Variants in MAGI2 observed in about 807,000 individuals in gnomAD.
MAGI2 encodes membrane associated guanylate kinase, WW and PDZ domain containing 2, also known as membrane-associated guanylate kinase, WW and PDZ domain-containing protein 2.
A neutral mutation model predicts 133.3 loss-of-function variants in MAGI2; 35 were observed. The observed-to-expected ratio is 0.26, with a 90% confidence interval of 0.20 to 0.35. The LOEUF (loss-of-function observed/expected upper bound fraction) is 0.35, where lower values mean the gene tolerates loss of function less well. MAGI2 is among the 10% of genes least tolerant of loss of function. MAGI2 has a pLI of 1.00. For missense variants in MAGI2, 1,636 were observed against 1,863.4 expected, an observed-to-expected ratio of 0.88 and a Z score of 2.25; for synonymous variants, 729 against 710.6, an observed-to-expected ratio of 1.03 and a Z score of -0.41.
intron 2 of MAGI2, among the ~76,000 whole-genome samples, chr7:78,935,492 T>C (rs2151666830): frequency 6.6e-6 from 1 of 152,256 alleles, no homozygotes; most frequent in South Asian, 2.1e-4. Context: ...TGGAAATATG[T>C]GGTGTTTCCA....
intron 1 of MAGI2, among the ~76,000 whole-genome samples, chr7:79,227,663 T>C (rs1460426340): frequency 6.6e-6 from 1 of 152,214 alleles, no homozygotes; most frequent in East Asian, 1.9e-4. Context: ...AGAGTAAACA[T>C]ATAGGTGTAT....
rs1482623105 is a variant in MAGI2 at position 78,019,758 on chromosome 7, G to C, written c.3925C>G (p.Arg1309Gly). The change falls in exon 22 of 22, where the codon CGC becomes GGC. Residue 1309 changes from arginine to glycine, a missense_variant. Arg to Gly is a moderately radical substitution (Grantham distance 125). This residue lies in a region of MAGI2 where 354 missense variants were observed against 298.7 expected (regional missense o/e 1.19). Coordinates refer to ENST00000354212, the MANE Select transcript of MAGI2 (RefSeq NM_012301.4). ...GAGCGCTCCCTCTGCTCCCCGAGGC[G>C]CTGCTTCTTCTGGCCGCAGGCTGAA... ...ELSACGQKKQ[R>G]LGEQRERSAS... 1 of 1,612,054 alleles carries C rather than the reference G, an allele frequency of 6.2e-7. No homozygotes were observed. The highest frequency in any genetic ancestry group is 1.7e-5 in the Admixed American group (1 of 59,954).
chr7:78,405,047 G>A (rs1797253324), intron 6 of MAGI2, among the ~76,000 whole-genome samples: 1 of 152,156 alleles, frequency 6.6e-6, no homozygotes, highest in African/African-American at 2.4e-5. Flanking sequence ...AAACAACTGG[G>A]GTTCTTTGAC....
At chr7:79,288,503 T>G (rs1563080520) in intron 1 of MAGI2, among the ~76,000 whole-genome samples, 1 of 152,196 alleles carries the variant, frequency 6.6e-6, no homozygotes, top group Non-Finnish European at 1.5e-5. Context: ...TTAAGCTGTT[T>G]ACATTTTTTG....
At chr7:78,868,065 C>G (rs1300118042) in intron 2 of MAGI2, among the ~76,000 whole-genome samples, 1 of 152,070 alleles carries the variant, frequency 6.6e-6, no homozygotes, top group Non-Finnish European at 1.5e-5. Context: ...GAGTATTAAT[C>G]TTCACTGGAA....
intron 2 of MAGI2, among the ~76,000 whole-genome samples, chr7:78,804,755 A>AAAAAAAAAAAAAAAAAAC (rs1788395495): frequency 1.2e-4 from 1 of 8,428 alleles, no homozygotes; most frequent in African/African-American, 2.0e-4. Context: ...TCTCAAAAAA[A>AAAAAAAAAAAAAAAAAAC]AAAAAAAAAA....
At chr7:79,344,920 C>T (rs1563136652) in intron 1 of MAGI2, among the ~76,000 whole-genome samples, 2 of 152,068 alleles carry the variant, frequency 1.3e-5, no homozygotes, top group African/African-American at 2.4e-5. Context: ...AAAACAATCC[C>T]TCTTCTGATG....
At chr7:78,612,422 G>A (rs1806548782) in intron 3 of MAGI2, among the ~76,000 whole-genome samples, 1 of 152,008 alleles carries the variant, frequency 6.6e-6, no homozygotes. Context: ...ACATGAGAAT[G>A]AGTATTAACG....
chr7:78,754,510 C>T (rs1823764886), intron 2 of MAGI2, among the ~76,000 whole-genome samples: 1 of 152,132 alleles, frequency 6.6e-6, no homozygotes, highest in Non-Finnish European at 1.5e-5. Flanking sequence ...GACATTTCCA[C>T]ATTAAGTTAA....
At chr7:79,196,521 T>C (rs1828096702) in intron 1 of MAGI2, among the ~76,000 whole-genome samples, 1 of 151,978 alleles carries the variant, frequency 6.6e-6, no homozygotes. Flanking sequence ...CTACTTAATA[T>C]TATCTTATTT....
At chr7:79,077,511 C>T (rs1203403260) in intron 1 of MAGI2, among the ~76,000 whole-genome samples, 1 of 138,656 alleles carries the variant, frequency 7.2e-6, no homozygotes, top group African/African-American at 2.7e-5. Flanking sequence ...GCCGGTGGAG[C>T]TTGCAGTGAG....
At chr7:79,115,348 T>A (rs1029064782) in intron 1 of MAGI2, among the ~76,000 whole-genome samples, 2 of 152,164 alleles carry the variant, frequency 1.3e-5, no homozygotes, top group African/African-American at 4.8e-5. Flanking sequence ...AAACAGAAAT[T>A]CAATATTTAG....
At chr7:79,450,537 G>A (rs945949966) in intron 1 of MAGI2, among the ~76,000 whole-genome samples, 1 of 152,048 alleles carries the variant, frequency 6.6e-6, no homozygotes, top group Non-Finnish European at 1.5e-5. Flanking sequence ...TGGGCTCTCT[G>A]GCTATCATTA....
chr7:79,080,422 A>G (rs971550547), intron 1 of MAGI2, among the ~76,000 whole-genome samples: 4 of 152,168 alleles, frequency 2.6e-5, no homozygotes, highest in African/African-American at 7.2e-5. Flanking sequence ...CGACCAGGTA[A>G]AATAAATAAT....
At chr7:79,353,672 T>C (rs559277172) in intron 1 of MAGI2, 2 of 341,834 alleles carry the variant, frequency 5.9e-6, no homozygotes, top group African/African-American at 2.1e-5. Context: ...ACACTGGGCA[T>C]TGGACTCTTC....
rs771487381 is a variant in MAGI2 at position 78,178,118 on chromosome 7, T to A, written c.2312-16A>T. 51 of 1,513,838 alleles carry A rather than the reference T, an allele frequency of 3.4e-5. 1 individual carries two copies. In the East Asian group the frequency reaches 1.1e-3, roughly 33 times the overall value. 93.8% of individuals were successfully genotyped at this position (1,513,838 alleles called of 1,614,324 possible). On this transcript the variant is annotated splice_polypyrimidine_tract_variant and intron_variant, in intron 13 of 21. Coordinates refer to ENST00000354212, the MANE Select transcript of MAGI2 (RefSeq NM_012301.4). ...TAATCTGGACCTGGCATAAAGGAGA[T>A]CCCATTGAGTAATGAATCCTGCCTC...
At position 78,603,585 on chromosome 7, in the gene MAGI2, C is replaced by T. The variant is rs185039065; in HGVS notation, c.538+23535G>A. ...GTCACCGAGGCTGGAGTGCACGACG[C>T]GATGTCAGCTCACTGCAACCTCTGC... On this transcript the variant is annotated intron_variant, in intron 3 of 21. Transcript: ENST00000354212. 9.5e-4 allele frequency among the ~76,000 whole-genome samples: 145 copies of T among 152,244 alleles called. 1 individual carries two copies. Among genetic ancestry groups the T allele is most frequent in the East Asian group, 4.4e-3 (23 of 5,176 alleles).
intron 1 of MAGI2, among the ~76,000 whole-genome samples, chr7:79,356,677 G>T (rs1842038497): frequency 1.3e-5 from 2 of 152,022 alleles, no homozygotes; most frequent in Non-Finnish European, 2.9e-5. Context: ...TATAATACTG[G>T]CATTCATAGA....
intron 1 of MAGI2, among the ~76,000 whole-genome samples, chr7:79,043,255 A>G (rs1361120708): frequency 1.3e-5 from 2 of 152,032 alleles, no homozygotes; most frequent in African/African-American, 4.8e-5. Context: ...AATGAAATTG[A>G]GACACAAGGT....
Sources: allele counts gnomAD v4.1 joint callset (sites outside exome capture counted in the v4.1 genomes callset), GRCh38; gene constraint gnomAD v4.1.1; regional missense constraint gnomAD v4.1.1; transcripts MANE v1.5; gene names NCBI Gene and HGNC (gene_info 2026-07-23, HGNC 2026-07-21).